Variants in PTPRD observed in about 807,000 individuals in gnomAD.
PTPRD encodes receptor-type tyrosine-protein phosphatase delta.
A neutral mutation model predicts 214.5 loss-of-function variants in PTPRD; 34 were observed. The ratio of observed to expected loss-of-function variants is 0.16; its 90% CI spans 0.12 to 0.21. The LOEUF is 0.21. PTPRD is among the 10% of genes least tolerant of loss of function. The probability of loss-of-function intolerance (pLI) is 1.00; values close to 1 mark genes in which losing one functional copy is unlikely to be tolerated. For synonymous variants in PTPRD, 1,128 were observed against 845.7 expected, an observed-to-expected ratio of 1.33 and a Z score of -5.79; for missense variants, 2,545 against 2,398.7, an observed-to-expected ratio of 1.06 and a Z score of -1.27.
chr9:8,924,899 G>A (rs1263086011), intron 11 of PTPRD, among the ~76,000 whole-genome samples: 3 of 152,110 alleles, frequency 2.0e-5, no homozygotes, highest in Non-Finnish European at 4.4e-5. Flanking sequence ...ATCAGAATAA[G>A]CCTATGAAGC....
At chr9:8,877,017 C>G (rs901188366) in intron 11 of PTPRD, among the ~76,000 whole-genome samples, 4 of 151,998 alleles carry the variant, frequency 2.6e-5, no homozygotes, top group Admixed American at 6.6e-5. Flanking sequence ...ACCTCTGCCC[C>G]CCGGGTTCAA....
chr9:9,014,202 T>TTG (rs2099524497), intron 11 of PTPRD, among the ~76,000 whole-genome samples: 9 of 141,812 alleles, frequency 6.3e-5, no homozygotes, highest in Non-Finnish European at 1.1e-4. Flanking sequence ...TTTGTTTGTT[T>TTG]TTTTTTTTTT....
intron 11 of PTPRD, among the ~76,000 whole-genome samples, chr9:8,858,820 C>CACACACACACACACAT (rs2098023711): frequency 1.3e-5 from 2 of 150,544 alleles, no homozygotes; most frequent in African/African-American, 4.9e-5. Context: ...CACACACACA[C>CACACACACACACACAT]ACACACACAT....
intron 6 of PTPRD, among the ~76,000 whole-genome samples, chr9:9,749,977 A>G (rs968825001): frequency 6.6e-6 from 1 of 152,196 alleles, no homozygotes; most frequent in African/African-American, 2.4e-5. Flanking sequence ...TGTGTGTGGA[A>G]CTACTTGCAC....
chr9:8,984,585 A>T (rs1169957185), intron 11 of PTPRD, among the ~76,000 whole-genome samples: 1 of 152,098 alleles, frequency 6.6e-6, no homozygotes, highest in Non-Finnish European at 1.5e-5. Flanking sequence ...GCAGTGGTAA[A>T]ATCCATTTTT....
chr9:8,646,167 C>A (rs1194339129), intron 12 of PTPRD, among the ~76,000 whole-genome samples: 3 of 152,046 alleles, frequency 2.0e-5, no homozygotes, highest in African/African-American at 4.8e-5. Flanking sequence ...AAAATTCCAA[C>A]ATGCAACCAG....
At chr9:9,008,927 C>T (rs1160468812) in intron 11 of PTPRD, among the ~76,000 whole-genome samples, 1 of 152,006 alleles carries the variant, frequency 6.6e-6, no homozygotes, top group Admixed American at 6.6e-5. Flanking sequence ...TATCATTGAG[C>T]TTGTTGTAAA....
intron 14 of PTPRD, among the ~76,000 whole-genome samples, chr9:8,581,573 C>G (rs1314874660): frequency 6.6e-6 from 1 of 150,768 alleles, no homozygotes; most frequent in Non-Finnish European, 1.5e-5. Context: ...ACAGTGAAAC[C>G]CCATCTCTAC....
intron 2 of PTPRD, among the ~76,000 whole-genome samples, chr9:10,508,273 G>A (rs200753124): frequency 1.6e-4 from 24 of 152,090 alleles, no homozygotes; most frequent in East Asian, 5.8e-4. Context: ...TTAGAATGGC[G>A]ATCATTAAAA....
At chr9:9,122,244 C>T (rs907519946) in intron 10 of PTPRD, among the ~76,000 whole-genome samples, 1 of 152,100 alleles carries the variant, frequency 6.6e-6, no homozygotes, top group African/African-American at 2.4e-5. Context: ...TTAAGAGAAG[C>T]AACACTTATT....
At chr9:9,737,605 C>A (rs1442515246) in intron 6 of PTPRD, among the ~76,000 whole-genome samples, 1 of 152,086 alleles carries the variant, frequency 6.6e-6, no homozygotes, top group Non-Finnish European at 1.5e-5. Flanking sequence ...CAACATGTGA[C>A]CTTTTGTGTC....
At chr9:9,708,942 T>G (rs1250570984) in intron 7 of PTPRD, among the ~76,000 whole-genome samples, 2 of 151,994 alleles carry the variant, frequency 1.3e-5, no homozygotes, top group Non-Finnish European at 2.9e-5. Flanking sequence ...AAGATCTTTC[T>G]TAGAGACTCT....
chr9:10,283,125 TACACACACACAC>T (rs58492445), intron 3 of PTPRD, among the ~76,000 whole-genome samples: 1 of 149,396 alleles, frequency 6.7e-6, no homozygotes, highest in Non-Finnish European at 1.5e-5. Flanking sequence ...CCTGCATATG[TACACACACACAC>T]ACACACACAC....
intron 5 of PTPRD, among the ~76,000 whole-genome samples, chr9:9,768,009 C>T (rs188354229): frequency 7.0e-4 from 106 of 152,236 alleles, no homozygotes; most frequent in African/African-American, 2.5e-3. Flanking sequence ...ACAAGTGCAT[C>T]CATACATACA....
chr9:9,156,611 G>A (rs1192419551), intron 10 of PTPRD, among the ~76,000 whole-genome samples: 2 of 152,026 alleles, frequency 1.3e-5, no homozygotes, highest in Non-Finnish European at 2.9e-5. Flanking sequence ...AGGAGATTTG[G>A]GGACATCCAT....
chr9:9,894,435 A>C (rs1362782860), intron 5 of PTPRD, among the ~76,000 whole-genome samples: 1 of 152,080 alleles, frequency 6.6e-6, no homozygotes, highest in Non-Finnish European at 1.5e-5. Context: ...ATTGTGCTTT[A>C]ATCAGATTTT....
intron 8 of PTPRD, among the ~76,000 whole-genome samples, chr9:9,425,058 A>G (rs1474851651): frequency 6.6e-6 from 1 of 152,188 alleles, no homozygotes; most frequent in African/African-American, 2.4e-5. Context: ...GCACTGCTGT[A>G]TTCATTTTTG....
chr9:10,363,754 T>G (rs1225710469), intron 2 of PTPRD, among the ~76,000 whole-genome samples: 2 of 152,048 alleles, frequency 1.3e-5, no homozygotes, highest in African/African-American at 4.8e-5. Flanking sequence ...CAATAAAATG[T>G]GACCCCTTAT....
intron 4 of PTPRD, among the ~76,000 whole-genome samples, chr9:9,966,347 A>G (rs1566796392): frequency 6.6e-6 from 1 of 152,100 alleles, no homozygotes; most frequent in East Asian, 1.9e-4. Flanking sequence ...CCTCGTGATT[A>G]TTTTTCTTTT....
Sources: gnomAD v4.1 joint callset for allele counts (sites outside exome capture counted in the v4.1 genomes callset) on GRCh38, gnomAD v4.1.1 for gene constraint, MANE v1.5 for transcripts, NCBI Gene and HGNC (gene_info 2026-07-23, HGNC 2026-07-21) for gene names.